Variants in PCSK2 observed in about 807,000 individuals in gnomAD.
PCSK2 encodes the protein proprotein convertase subtilisin/kexin type 2, also known as neuroendocrine convertase 2.
Under a neutral mutation model 69.7 loss-of-function variants are expected in PCSK2, and 14 were observed. The ratio of observed to expected loss-of-function variants is 0.20; its 90% confidence interval spans 0.13 to 0.31. The LOEUF is 0.31. Among genes scored for constraint, PCSK2 ranks in the 10% least tolerant of loss-of-function variants. The pLI is 1.00. For missense variants in PCSK2, 544 were observed against 842.5 expected (o/e 0.65, Z 4.39); for synonymous variants, 307 against 320.7 (o/e 0.96, Z 0.46).
chr20:17,419,392 G>A (rs1043637849), intron 6 of PCSK2, among the ~76,000 whole-genome samples: 1 of 152,128 alleles, frequency 6.6e-6, no homozygotes, highest in Non-Finnish European at 1.5e-5. Context: ...TTTTCAAAAA[G>A]AGTATAATTT....
intron 10 of PCSK2, among the ~76,000 whole-genome samples, chr20:17,458,764 C>G (rs190065720): frequency 3.2e-4 from 49 of 152,218 alleles, no homozygotes; most frequent in Admixed American, 1.2e-3. Flanking sequence ...CTCTCCTAAC[C>G]AGTTGTCACT....
chr20:17,430,682 G>T (rs992479043), intron 7 of PCSK2, among the ~76,000 whole-genome samples: 2 of 152,138 alleles, frequency 1.3e-5, no homozygotes, highest in African/African-American at 2.4e-5. Flanking sequence ...AAAATGTCAG[G>T]AGCCATTATG....
chr20:17,228,469 G>C (rs1986015478), intron 1 of PCSK2, among the ~76,000 whole-genome samples: 1 of 152,132 alleles, frequency 6.6e-6, no homozygotes, highest in Non-Finnish European at 1.5e-5. Context: ...ACCTGGCGCA[G>C]GCTGGGGTGG....
At chr20:17,346,739 G>C (rs1157423849) in intron 2 of PCSK2, among the ~76,000 whole-genome samples, 8 of 152,158 alleles carry the variant, frequency 5.3e-5, no homozygotes. Flanking sequence ...ATCTGGCATA[G>C]AGCCTCCATC....
intron 2 of PCSK2, among the ~76,000 whole-genome samples, chr20:17,268,788 G>C (rs892970622): frequency 7.9e-5 from 12 of 152,200 alleles, no homozygotes; most frequent in African/African-American, 2.7e-4. Flanking sequence ...AACTGGACTA[G>C]AGAGATCCAT....
intron 6 of PCSK2, among the ~76,000 whole-genome samples, chr20:17,414,839 G>A (rs191635657): frequency 2.6e-5 from 4 of 152,284 alleles, no homozygotes; most frequent in South Asian, 2.1e-4. Context: ...TATCCGCCAC[G>A]ATCAAGTCAG....
At chr20:17,276,419 G>A (rs561343249) in intron 2 of PCSK2, among the ~76,000 whole-genome samples, 2 of 149,152 alleles carry the variant, frequency 1.3e-5, no homozygotes, top group African/African-American at 4.9e-5. Flanking sequence ...TTCTTCTATG[G>A]AAGATGAGAT....
intron 2 of PCSK2, among the ~76,000 whole-genome samples, chr20:17,316,219 C>T (rs1183410176): frequency 6.6e-6 from 1 of 152,236 alleles, no homozygotes; most frequent in Non-Finnish European, 1.5e-5. Flanking sequence ...ACATGCCTCT[C>T]TTTTTGCTAC....
At chr20:17,270,557 G>A (rs995048308) in intron 2 of PCSK2, among the ~76,000 whole-genome samples, 1 of 152,052 alleles carries the variant, frequency 6.6e-6, no homozygotes, top group Non-Finnish European at 1.5e-5. Flanking sequence ...TCTTCTCTAC[G>A]ATGAGCATGT....
chr20:17,329,046 T>C (rs968926792), intron 2 of PCSK2, among the ~76,000 whole-genome samples: 9 of 152,204 alleles, frequency 5.9e-5, no homozygotes, highest in African/African-American at 2.2e-4. Context: ...AGGTTGGGAA[T>C]GGCACACTAG....
At chr20:17,376,297 C>T (rs1278086850) in intron 5 of PCSK2, among the ~76,000 whole-genome samples, 1 of 152,228 alleles carries the variant, frequency 6.6e-6, no homozygotes, top group East Asian at 1.9e-4. Context: ...TGAGCCCAGC[C>T]CAGAGCACCT....
chr20:17,297,416 G>A (rs1600462849), intron 2 of PCSK2, among the ~76,000 whole-genome samples: 1 of 152,202 alleles, frequency 6.6e-6, no homozygotes, highest in Admixed American at 6.5e-5. Context: ...GGCAGAGAGA[G>A]CTATGCATCC....
chr20:17,463,521 A>G (rs1486656430), intron 10 of PCSK2: 1 of 148,928 alleles, frequency 6.7e-6, no homozygotes. Context: ...TTTTTTTTTA[A>G]TTATACTTTT....
At chr20:17,327,643 C>T (rs1175104158) in intron 2 of PCSK2, among the ~76,000 whole-genome samples, 3 of 152,204 alleles carry the variant, frequency 2.0e-5, no homozygotes, top group Non-Finnish European at 4.4e-5. Flanking sequence ...GTGCACCCTC[C>T]ACGAAGTCAC....
chr20:17,349,942 A>C (rs563025370), intron 2 of PCSK2, among the ~76,000 whole-genome samples: 1 of 152,220 alleles, frequency 6.6e-6, no homozygotes, highest in East Asian at 1.9e-4. Context: ...TGCACTGTGC[A>C]GTCAAGGCTG....
intron 5 of PCSK2, among the ~76,000 whole-genome samples, chr20:17,372,032 A>G (rs1291097522): frequency 6.6e-6 from 1 of 152,204 alleles, no homozygotes; most frequent in Non-Finnish European, 1.5e-5. Flanking sequence ...CCACTTGTTC[A>G]GTAATTTCTC....
intron 2 of PCSK2, among the ~76,000 whole-genome samples, chr20:17,293,414 A>C (rs1336634382): frequency 1.3e-5 from 2 of 152,232 alleles, no homozygotes; most frequent in Non-Finnish European, 2.9e-5. Flanking sequence ...TTAAGATTTT[A>C]ATAAGAATGC....
intron 5 of PCSK2, among the ~76,000 whole-genome samples, chr20:17,370,988 G>A (rs6034807): frequency 0.89 from 135,738 of 152,182 alleles, 60,790 homozygotes; most frequent in South Asian, 0.96. Flanking sequence ...TGCAGACAGA[G>A]GCATTGATAT....
intron 5 of PCSK2, among the ~76,000 whole-genome samples, chr20:17,388,066 A>G (rs1352994145): frequency 6.6e-6 from 1 of 152,178 alleles, no homozygotes; most frequent in Non-Finnish European, 1.5e-5. Context: ...AAAGACCCTG[A>G]GGCAGGAACA....
Sources: gnomAD v4.1 joint callset for allele counts (sites outside exome capture counted in the v4.1 genomes callset) on GRCh38, gnomAD v4.1.1 for gene constraint, MANE v1.5 for transcripts, NCBI Gene and HGNC (gene_info 2026-07-23, HGNC 2026-07-21) for gene names.